The following FREM3 variants were observed in gnomAD, a reference collection of about 807,000 sequenced individuals.
The protein encoded by FREM3 is FRAS1 related extracellular matrix 3.
In FREM3, 105 loss-of-function variants were observed where a neutral mutation model predicts 129.1. The ratio of observed to expected loss-of-function variants is 0.81; its 90% confidence interval spans 0.69 to 0.96. The LOEUF (loss-of-function observed/expected upper bound fraction) is 0.96. Among genes scored for constraint, FREM3 ranks in the 40% least tolerant of loss-of-function variants. FREM3 has a pLI of 0.00. For synonymous variants in FREM3, 1,014 were observed against 1,044.9 expected (o/e 0.97, Z 0.57); for missense variants, 2,593 against 2,666.3 (o/e 0.97, Z 0.61).
chr4:143,586,330 T>C (rs1738243840), intron 6 of FREM3, among the ~76,000 whole-genome samples: 1 of 152,162 alleles, frequency 6.6e-6, no homozygotes, highest in Admixed American at 6.5e-5. Flanking sequence ...AAGTCCACTA[T>C]TGTTTGGGAA....
intron 6 of FREM3, among the ~76,000 whole-genome samples, chr4:143,594,001 C>A (rs1284423323): frequency 6.6e-6 from 1 of 152,210 alleles, no homozygotes; most frequent in Non-Finnish European, 1.5e-5. Flanking sequence ...ATGAGCGAGG[C>A]TCTGTGGGCG....
chr4:143,590,678 A>G (rs1051393589), intron 6 of FREM3, among the ~76,000 whole-genome samples: 1 of 152,144 alleles, frequency 6.6e-6, no homozygotes, highest in Non-Finnish European at 1.5e-5. Flanking sequence ...ATGTTCATCA[A>G]GGATATTGGT....
At chr4:143,589,785 T>C (rs1738321775) in intron 6 of FREM3, among the ~76,000 whole-genome samples, 1 of 152,174 alleles carries the variant, frequency 6.6e-6, no homozygotes, top group Admixed American at 6.5e-5. Context: ...AAGAAAGTCA[T>C]TGGTGTCTTG....
chr4:143,673,477 C>T (rs578013429), intron 2 of FREM3, among the ~76,000 whole-genome samples: 19 of 152,322 alleles, frequency 1.2e-4, no homozygotes, highest in Admixed American at 2.0e-4. Flanking sequence ...GGGTACCCGG[C>T]CGTGTGAGGT....
chr4:143,699,962 C>G lies in FREM3; in HGVS notation c.714G>C (p.Lys238Asn). ...GGAGGAAAGCCTCACAGTCTACGCC[C>G]TTGCCCCTGGGGAGAGGGGCCCCCA... ...DAVGAPLPRG[K>N]GVDCEAFLRA... The change falls in exon 1 of 8, where the codon AAG becomes AAC. Residue 238 changes from lysine (K) to asparagine (N), a missense_variant. Around this residue, in one of 2 missense-constraint regions of FREM3, gnomAD observed 2,276 missense variants for 2,267.2 expected, o/e 1.00. Coordinates refer to ENST00000329798, the MANE Select transcript of FREM3 (RefSeq NM_001168235.2). This position sits in a 1 kb window ranked among gnomAD's most constrained non-coding sequence, Gnocchi z 4.2. 1 of 1,518,370 alleles carries G rather than the reference C, an allele frequency of 6.6e-7. No homozygotes were observed. Among genetic ancestry groups the G allele is most frequent in the Non-Finnish European group, 8.8e-7 (1 of 1,136,042 alleles). 94.1% of individuals were successfully genotyped at this position (1,518,370 alleles called of 1,614,324 possible).
At chr4:143,618,118 A>G (rs1738882394) in intron 5 of FREM3, among the ~76,000 whole-genome samples, 2 of 152,222 alleles carry the variant, frequency 1.3e-5, no homozygotes, top group African/African-American at 2.4e-5. Context: ...GGAAAGAGCT[A>G]TGCTGCAGAA....
At chr4:143,654,360 T>C (rs370299629) in intron 2 of FREM3, among the ~76,000 whole-genome samples, 32 of 152,294 alleles carry the variant, frequency 2.1e-4, no homozygotes, top group Middle Eastern at 3.4e-3. Flanking sequence ...CGCCTTGGCC[T>C]CCCAAAGTGC....
At chr4:143,657,973 T>C (rs1739631299) in intron 2 of FREM3, among the ~76,000 whole-genome samples, 1 of 152,284 alleles carries the variant, frequency 6.6e-6, no homozygotes, top group South Asian at 2.1e-4. Flanking sequence ...ACACCACATT[T>C]ATTTAATAAA....
chr4:143,604,142 C>T (rs1738624949), intron 6 of FREM3, among the ~76,000 whole-genome samples: 1 of 152,120 alleles, frequency 6.6e-6, no homozygotes, highest in African/African-American at 2.4e-5. Context: ...TGTTGCTTCT[C>T]TCTTGCCATG....
At chr4:143,667,671 G>A (rs1739888377) in intron 2 of FREM3, among the ~76,000 whole-genome samples, 1 of 152,166 alleles carries the variant, frequency 6.6e-6, no homozygotes, top group Non-Finnish European at 1.5e-5. Flanking sequence ...GCTCTCCTAA[G>A]CAAGAATGCT....
At chr4:143,675,792 A>G (rs1209903350) in intron 2 of FREM3, among the ~76,000 whole-genome samples, 1 of 152,220 alleles carries the variant, frequency 6.6e-6, no homozygotes. Context: ...AAAATCTAGA[A>G]GAAATGGATA....
chr4:143,609,600 A>G (rs1738721727), intron 6 of FREM3, among the ~76,000 whole-genome samples: 1 of 152,102 alleles, frequency 6.6e-6, no homozygotes, highest in Non-Finnish European at 1.5e-5. Context: ...TTGGTAAGAG[A>G]TAGTTGCTTC....
chr4:143,621,266 C>T (rs891057137), intron 4 of FREM3, 104 bp from the exon 5 acceptor site: 15 of 1,030,396 alleles, frequency 1.5e-5, no homozygotes, highest in Non-Finnish European at 2.8e-6. Flanking sequence ...CTTATATTTT[C>T]CAACATGATT....
Position 143,611,294 on chromosome 4 carries a change from C to A in FREM3, c.6013G>T (p.Ala2005Ser). 6.5e-7 allele frequency: 1 copy of A among 1,536,844 alleles called. No homozygotes were observed. Among genetic ancestry groups the A allele is most frequent in the Non-Finnish European group, 8.7e-7 (1 of 1,146,694 alleles). ...ATGGACTTACCATCATAACGATCAG[C>A]CAGAATAGTCACCTTAGTGGTGGGG... ...RFPTTKVTIL[A>S]DRYDEPVLHF... The change falls in exon 6 of 8, where the codon GCT becomes TCT. Residue 2005 changes from alanine (A) to serine (S), a missense_variant. Physicochemically the swap from Ala to Ser is moderately conservative, Grantham distance 99. Coordinates refer to ENST00000329798, the MANE Select transcript of FREM3 (RefSeq NM_001168235.2).
Position 143,696,965 on chromosome 4 carries a change from C to CTGTATGATT in FREM3, c.3710_3711insAATCATACA (p.Arg1237_His1238insIleIleGln), listed in dbSNP as rs1181732004. 1.3e-6 allele frequency: 2 copies of CTGTATGATT among 1,537,588 alleles called. No homozygotes were observed. The highest frequency in any genetic ancestry group is 2.7e-5 in the African/African-American group (2 of 72,998). On this transcript the variant is annotated inframe_insertion, in exon 1 of 8. Transcript: ENST00000329798. The stretch of plus-strand genomic sequence containing the variant: ...CCAGCTGCTGTATGATTCGTCCATG[C>CTGTATGATT]CGAGGGAGGGCTGTGAGTTGAAAGT...
intron 6 of FREM3, among the ~76,000 whole-genome samples, chr4:143,597,759 T>TA (rs1035853657): frequency 6.6e-6 from 1 of 152,152 alleles, no homozygotes; most frequent in Non-Finnish European, 1.5e-5. Flanking sequence ...AAAACATTGA[T>TA]AAAAAAATTA....
At position 143,699,489 on chromosome 4, in the gene FREM3, G is replaced by T; in HGVS notation, c.1187C>A (p.Ser396Tyr). The change falls in exon 1 of 8, where the codon TCC becomes TAC. Residue 396 changes from serine to tyrosine, a missense_variant. Ser to Tyr is a moderately radical substitution (Grantham distance 144). Around this residue, in one of 2 missense-constraint regions of FREM3, gnomAD observed 2,276 missense variants for 2,267.2 expected, o/e 1.00. Transcript: ENST00000329798. The surrounding 1 kb of genome is among the most constrained non-coding windows in gnomAD (Gnocchi z 4.2). ...KIAYQPPAEN[S>Y]HGERLFQLEL... The stretch of plus-strand genomic sequence containing the variant: ...CAGCTGAAAGAGGCGCTCCCCATGG[G>T]AGTTCTCTGCAGGGGGCTGATAGGC... The T allele has an allele frequency of 6.5e-7, 1 of 1,537,314 alleles. No homozygotes were observed. The highest frequency in any genetic ancestry group is 1.2e-5 in the South Asian group (1 of 84,060).
At chr4:143,596,870 T>G (rs1022626632) in intron 6 of FREM3, among the ~76,000 whole-genome samples, 1 of 152,006 alleles carries the variant, frequency 6.6e-6, no homozygotes, top group African/African-American at 2.4e-5. Flanking sequence ...CCCAGGAGAT[T>G]GTGGCTGCAG....
At chr4:143,666,691 C>T (rs1739868134) in intron 2 of FREM3, among the ~76,000 whole-genome samples, 1 of 151,880 alleles carries the variant, frequency 6.6e-6, no homozygotes, top group Non-Finnish European at 1.5e-5. Context: ...TTCATAGAGA[C>T]ATAAAGTGGA....
Sources: gnomAD v4.1 joint callset for allele counts (sites outside exome capture counted in the v4.1 genomes callset) on GRCh38, gnomAD v4.1.1 for gene constraint, gnomAD v4.1.1 regional missense constraint, Gnocchi (gnomAD v3.1) non-coding constraint, MANE v1.5 for transcripts, NCBI Gene and HGNC (gene_info 2026-07-23, HGNC 2026-07-21) for gene names.